Variants in TRPM3 observed in about 807,000 individuals in gnomAD.
The protein encoded by TRPM3 is transient receptor potential cation channel subfamily M member 3.
A neutral mutation model predicts 181.2 loss-of-function variants in TRPM3; 77 were observed. The observed-to-expected ratio is 0.42, with a 90% CI of 0.35 to 0.51. The LOEUF (loss-of-function observed/expected upper bound fraction) is 0.51. Ranked by LOEUF, TRPM3 falls within the 20% of genes least tolerant of loss-of-function variation. The pLI, the probability that TRPM3 is intolerant of heterozygous loss-of-function variation, is 0.01. For missense variants in TRPM3, 1,759 were observed against 2,196.7 expected, an observed-to-expected ratio of 0.80 and a Z score of 3.98; for synonymous variants, 745 against 796.4, an observed-to-expected ratio of 0.94 and a Z score of 1.09.
At chr9:70,683,201 G>A (rs1387667420) in intron 8 of TRPM3, among the ~76,000 whole-genome samples, 1 of 152,006 alleles carries the variant, frequency 6.6e-6, no homozygotes, top group Non-Finnish European at 1.5e-5. Context: ...AAATTGAAAT[G>A]CCTTCACAGA....
intron 1 of TRPM3, among the ~76,000 whole-genome samples, chr9:71,198,711 T>C (rs1238779518): frequency 4.0e-4 from 60 of 150,980 alleles, no homozygotes; most frequent in Admixed American, 1.2e-3. Flanking sequence ...GTGATTTTTG[T>C]ACATTGATTT....
At chr9:71,397,329 A>T (rs916232898) in intron 1 of TRPM3, among the ~76,000 whole-genome samples, 2 of 152,060 alleles carry the variant, frequency 1.3e-5, no homozygotes, top group Admixed American at 6.6e-5. Flanking sequence ...TGTTTTTTTT[A>T]AAAGGGGCCT....
chr9:71,098,118 T>G (rs1450447295), intron 1 of TRPM3, among the ~76,000 whole-genome samples: 2 of 152,144 alleles, frequency 1.3e-5, no homozygotes, highest in African/African-American at 4.8e-5. Flanking sequence ...CTGGGCCATG[T>G]GCAATCTATT....
chr9:70,846,379 T>C lies in TRPM3; in HGVS notation c.675A>G (p.Thr225=), dbSNP rs2094954597. The change falls in exon 4 of 26, where the codon ACA becomes ACG. Residue 225 remains threonine, a splice_region_variant and synonymous_variant. Coordinates refer to ENST00000677713, the MANE Select transcript of TRPM3 (RefSeq NM_001366145.2). ...TTTCTCTGTTCCACTTGCAATTACCTGTGTTAACCCCTCCAGTGAATATCC... is the reference window on the plus strand; with the variant it reads ...TTTCTCTGTTCCACTTGCAATTACCCGTGTTAACCCCTCCAGTGAATATCC... ...GAWIFTGGVN[T]GVIRHVGDAL... 1 of 1,613,414 alleles carries C rather than the reference T, an allele frequency of 6.2e-7. No individual in the cohort carries two copies. Among genetic ancestry groups the C allele is most frequent in the Admixed American group, 1.7e-5 (1 of 59,988 alleles).
intron 1 of TRPM3, among the ~76,000 whole-genome samples, chr9:71,078,411 A>G (rs1427066199): frequency 2.0e-5 from 3 of 152,208 alleles, no homozygotes; most frequent in Non-Finnish European, 2.9e-5. Context: ...AAGACATGAA[A>G]GGAATTTTTA....
intron 1 of TRPM3, among the ~76,000 whole-genome samples, chr9:71,204,586 G>T (rs2079012385): frequency 1.3e-5 from 2 of 152,204 alleles, no homozygotes; most frequent in South Asian, 4.1e-4. Context: ...AGGATGTGGA[G>T]AAATAGGGAC....
intron 6 of TRPM3, among the ~76,000 whole-genome samples, chr9:70,803,045 AAAAAAAAAAAAAAAC>A (rs913701623): frequency 4.2e-4 from 58 of 138,144 alleles, no homozygotes; most frequent in African/African-American, 1.5e-3. Context: ...AAAAAAAAAA[AAAAAAAAAAAAAAAC>A]AAAGGCCCAA....
intron 1 of TRPM3, among the ~76,000 whole-genome samples, chr9:71,079,994 A>C (rs568713616): frequency 6.6e-6 from 1 of 152,132 alleles, no homozygotes; most frequent in African/African-American, 2.4e-5. Context: ...AACATGGAGA[A>C]ACCCCATCTC....
intron 7 of TRPM3, among the ~76,000 whole-genome samples, chr9:70,763,601 G>A (rs1348527533): frequency 6.6e-6 from 1 of 152,146 alleles, no homozygotes; most frequent in Non-Finnish European, 1.5e-5. Flanking sequence ...TGTGGTCTTA[G>A]CTGTGGACCA....
intron 1 of TRPM3, among the ~76,000 whole-genome samples, chr9:70,981,123 C>T (rs1195639099): frequency 6.6e-6 from 1 of 152,100 alleles, no homozygotes; most frequent in Non-Finnish European, 1.5e-5. Context: ...TCTTCATTCC[C>T]CCATCCCCAC....
At chr9:71,145,144 T>A in intron 1 of TRPM3, among the ~76,000 whole-genome samples, 1 of 152,290 alleles carries the variant, frequency 6.6e-6, no homozygotes, top group East Asian at 1.9e-4. Flanking sequence ...CTGTTTATCA[T>A]CATAATTATA....
intron 22 of TRPM3, among the ~76,000 whole-genome samples, chr9:70,556,411 A>G (rs1423643677): frequency 6.6e-6 from 1 of 152,046 alleles, no homozygotes; most frequent in Non-Finnish European, 1.5e-5. Context: ...AGTGGTTAGG[A>G]ACATGTATTA....
chr9:71,045,643 A>C (rs2133057037), intron 1 of TRPM3, among the ~76,000 whole-genome samples: 1 of 152,328 alleles, frequency 6.6e-6, no homozygotes, highest in South Asian at 2.1e-4. Flanking sequence ...GCAGACAAGA[A>C]ATTTTTGACT....
chr9:70,956,066 G>A (rs2097066285), intron 1 of TRPM3, among the ~76,000 whole-genome samples: 1 of 152,108 alleles, frequency 6.6e-6, no homozygotes, highest in Non-Finnish European at 1.5e-5. Context: ...GAGCTATTTA[G>A]CACTATCATT....
At chr9:70,923,687 C>T (rs2096683056) in intron 1 of TRPM3, among the ~76,000 whole-genome samples, 2 of 151,558 alleles carry the variant, frequency 1.3e-5, no homozygotes, top group African/African-American at 4.9e-5. Flanking sequence ...TAGGCAAGAC[C>T]CTGGAGAGCC....
chr9:70,944,417 C>A (rs995057196), intron 1 of TRPM3, among the ~76,000 whole-genome samples: 2 of 152,204 alleles, frequency 1.3e-5, no homozygotes, highest in African/African-American at 2.4e-5. Context: ...TCCCTCTCCT[C>A]AATTTCCACA....
chr9:70,921,942 A>AACACACACAC (rs71367238), intron 1 of TRPM3, among the ~76,000 whole-genome samples: 4,449 of 139,340 alleles, frequency 0.032, 130 homozygotes, highest in African/African-American at 0.076. Flanking sequence ...CACACAAACA[A>AACACACACAC]ACACACACAC....
At chr9:71,052,680 C>G (rs1348050760) in intron 1 of TRPM3, among the ~76,000 whole-genome samples, 1 of 151,970 alleles carries the variant, frequency 6.6e-6, no homozygotes, top group African/African-American at 2.4e-5. Flanking sequence ...TTCAAAAAAC[C>G]CTACATCTCT....
intron 1 of TRPM3, among the ~76,000 whole-genome samples, chr9:71,169,145 A>G (rs905837853): frequency 6.6e-6 from 1 of 152,182 alleles, no homozygotes; most frequent in Non-Finnish European, 1.5e-5. Flanking sequence ...GATTCTTGCC[A>G]TGTTGTAAAG....
Sources: gnomAD v4.1 joint callset for allele counts (sites outside exome capture counted in the v4.1 genomes callset) on GRCh38, gnomAD v4.1.1 for gene constraint, MANE v1.5 for transcripts, NCBI Gene and HGNC (gene_info 2026-07-23, HGNC 2026-07-21) for gene names.